Variants in ZNF652 observed in about 807,000 individuals in gnomAD.
ZNF652 encodes zinc finger protein 652.
ZNF652 carries 16 observed loss-of-function variants against 45.2 expected under a neutral mutation model. The ratio of observed to expected loss-of-function variants is 0.35; its 90% CI spans 0.24 to 0.54. ZNF652 has a LOEUF of 0.54. Among genes scored for constraint, ZNF652 ranks in the 20% least tolerant of loss-of-function variants. ZNF652 has a pLI of 0.91. For synonymous variants in ZNF652, 250 were observed against 260.6 expected (o/e 0.96, Z 0.39); for missense variants, 614 against 765.6 (o/e 0.80, Z 2.34).
intron 5 of ZNF652, among the ~76,000 whole-genome samples, chr17:49,306,435 G>GT (rs2069629492): frequency 6.6e-6 from 1 of 152,168 alleles, no homozygotes; most frequent in Non-Finnish European, 1.5e-5. Context: ...GGACAAATGA[G>GT]TATTTTCCCT....
chr17:49,315,570 A>G (rs1349917566), intron 2 of ZNF652, among the ~76,000 whole-genome samples: 1 of 151,950 alleles, frequency 6.6e-6, no homozygotes, highest in Non-Finnish European at 1.5e-5. Context: ...AAAAAAAAAA[A>G]AAAACCCACA....
intron 5 of ZNF652, among the ~76,000 whole-genome samples, chr17:49,304,676 A>AATTGTAC (rs1459909829): frequency 6.6e-6 from 1 of 152,162 alleles, no homozygotes; most frequent in Non-Finnish European, 1.5e-5. Context: ...CATGTAGATA[A>AATTGTAC]AGCTAACCTA....
intron 1 of ZNF652, among the ~76,000 whole-genome samples, chr17:49,319,067 AAAAT>A (rs1162814541): frequency 6.6e-6 from 1 of 152,168 alleles, no homozygotes; most frequent in Admixed American, 6.5e-5. Flanking sequence ...GGTTCCAAGA[AAAAT>A]AAAACCATCC....
intron 1 of ZNF652, among the ~76,000 whole-genome samples, chr17:49,355,486 A>G (rs1202189439): frequency 6.6e-6 from 1 of 152,144 alleles, no homozygotes; most frequent in Non-Finnish European, 1.5e-5. Flanking sequence ...CTGAGGTGAG[A>G]TGATCTCTTG....
chr17:49,320,161 T>C (rs972042126), intron 1 of ZNF652, among the ~76,000 whole-genome samples: 1 of 152,176 alleles, frequency 6.6e-6, no homozygotes, highest in African/African-American at 2.4e-5. Context: ...TTGAAAAAAA[T>C]CAGTATTTAT....
At chr17:49,345,666 C>T (rs1450488130) in intron 1 of ZNF652, among the ~76,000 whole-genome samples, 1 of 150,322 alleles carries the variant, frequency 6.7e-6, no homozygotes, top group African/African-American at 2.4e-5. Context: ...ACGGTGAATC[C>T]CTGTCTCTAC....
At chr17:49,331,658 T>C (rs1258990078) in intron 1 of ZNF652, among the ~76,000 whole-genome samples, 1 of 151,696 alleles carries the variant, frequency 6.6e-6, no homozygotes, top group Admixed American at 6.6e-5. Context: ...AATAAAAAAA[T>C]AAAAAAATAA....
chr17:49,339,409 C>T (rs930843046), intron 1 of ZNF652, among the ~76,000 whole-genome samples: 1 of 149,588 alleles, frequency 6.7e-6, no homozygotes, highest in African/African-American at 2.5e-5. Context: ...CAACATAATC[C>T]AAAATTACAT....
At chr17:49,348,479 AAAAAGAAAAG>A (rs55939949) in intron 1 of ZNF652, among the ~76,000 whole-genome samples, 39,338 of 111,316 alleles carry the variant, frequency 0.35, 7,081 homozygotes, top group Admixed American at 0.4. Flanking sequence ...CCTTGCCTCA[AAAAAGAAAAG>A]AAAAGAAAAG....
At chr17:49,359,806 T>G (rs2070373804) in intron 1 of ZNF652, among the ~76,000 whole-genome samples, 1 of 152,064 alleles carries the variant, frequency 6.6e-6, no homozygotes, top group Admixed American at 6.6e-5. Context: ...AATTTCAAAA[T>G]GAATGATTTT....
chr17:49,312,570 AATGC>A, intron 3 of ZNF652, 124 bp downstream of exon 3: 2 of 948,210 alleles, frequency 2.1e-6, no homozygotes, highest in Non-Finnish European at 3.1e-6. Context: ...CTGAAGACAT[AATGC>A]ATTCAGTTTC....
chr17:49,317,130 G>A lies in ZNF652; in HGVS notation c.596C>T (p.Ala199Val). 1 of 1,613,948 alleles carries A rather than the reference G, an allele frequency of 6.2e-7. No individual in the cohort carries two copies. The highest frequency in any genetic ancestry group is 1.3e-5 in the African/African-American group (1 of 74,984). The change falls in exon 2 of 6, where the codon GCC becomes GTC. Residue 199 changes from alanine to valine, a missense_variant. Ala to Val is a moderately conservative substitution (Grantham distance 64, BLOSUM62 0). Coordinates refer to ENST00000430262, the MANE Select transcript of ZNF652 (RefSeq NM_001145365.3). ...GGGAGTAGGGGAAGTGGTAGCTGCG[G>A]CAACAGAGGCAGCTCTCCTGGTTCT... ...QRRTRRAASV[A>V]AATTSPTPRT...
chr17:49,350,998 TATATATATATATATATACAC>T (rs1386509761), intron 1 of ZNF652, among the ~76,000 whole-genome samples: 245 of 22,526 alleles, frequency 0.011, 3 homozygotes, highest in African/African-American at 0.034. Context: ...TATATATATA[TATATATATATATATATACAC>T]ACACACACAC....
rs955947087 is a variant in ZNF652, at chr17:49,294,724, A to G, written c.*3689T>C. 5 of 152,220 alleles carry G rather than the reference A, an allele frequency of 3.3e-5. No individual in the cohort carries two copies. The highest frequency in any genetic ancestry group is 7.3e-5 in the Non-Finnish European group (5 of 68,030). 9.4% of individuals were successfully genotyped at this position (152,220 alleles called of 1,614,324 possible). On this transcript the variant is annotated 3_prime_UTR_variant, in exon 6 of 6. Coordinates refer to ENST00000430262, the MANE Select transcript of ZNF652 (RefSeq NM_001145365.3). ...TCATCCTCAAATAAGTCTTAACCCT[A>G]GCAATGATACAAGCCTTTGAAGACA...
intron 1 of ZNF652, chr17:49,322,448 AT>A (rs2069905524): frequency 6.6e-6 from 1 of 152,210 alleles, no homozygotes; most frequent in Non-Finnish European, 1.5e-5. Context: ...TCCACTTTAT[AT>A]TTGATGAAGC....
At chr17:49,336,965 T>TTTTAA (rs66568404) in intron 1 of ZNF652, among the ~76,000 whole-genome samples, 2 of 114,800 alleles carry the variant, frequency 1.7e-5, no homozygotes, top group African/African-American at 3.2e-5. Flanking sequence ...TTTTTTTTTT[T>TTTTAA]AAGTATGTAA....
At chr17:49,335,026 G>A (rs998258407) in intron 1 of ZNF652, among the ~76,000 whole-genome samples, 3 of 152,098 alleles carry the variant, frequency 2.0e-5, no homozygotes, top group Non-Finnish European at 4.4e-5. Flanking sequence ...CAATGAAAAT[G>A]TTCTGGAATT....
At chr17:49,342,043 G>A (rs899248678) in intron 1 of ZNF652, among the ~76,000 whole-genome samples, 6 of 152,020 alleles carry the variant, frequency 3.9e-5, no homozygotes, top group South Asian at 2.1e-4. Flanking sequence ...AAAATTAGCC[G>A]GGCATGGTGG....
chr17:49,298,590 T>G lies in ZNF652; in HGVS notation c.1644A>C (p.Ser548=). ...LPPRPIPHPF[S]HLHIHPHPHH... ...GAGGGTGTGGGTGGATGTGCAGGTG[T>G]GAGAAGGGGTGGGGGATGGGCCGAG... The change falls in exon 6 of 6, where the codon TCA becomes TCC. Residue 548 remains serine, a synonymous_variant. Transcript: ENST00000430262. The G allele has an allele frequency of 6.3e-7, 1 of 1,593,472 alleles. No individual in the cohort carries two copies. The highest frequency in any genetic ancestry group is 1.4e-5 in the African/African-American group (1 of 69,360).
Sources: gnomAD v4.1 joint callset for allele counts (sites outside exome capture counted in the v4.1 genomes callset) on GRCh38, gnomAD v4.1.1 for gene constraint, MANE v1.5 for transcripts, NCBI Gene and HGNC (gene_info 2026-07-23, HGNC 2026-07-21) for gene names.